Variants in PCDHA11 observed in about 807,000 individuals in gnomAD.
PCDHA11 encodes protocadherin alpha 11.
A neutral mutation model predicts 70.3 loss-of-function variants in PCDHA11; 61 were observed. The ratio of observed to expected loss-of-function variants is 0.87; its 90% CI spans 0.71 to 1.07. The LOEUF (loss-of-function observed/expected upper bound fraction) is 1.07. Among genes scored for constraint, PCDHA11 ranks in the 50% least tolerant of loss-of-function variants. The pLI is 0.00. For missense variants in PCDHA11, 1,324 were observed against 1,237.5 expected, an observed-to-expected ratio of 1.07 and a Z score of -1.05; for synonymous variants, 633 against 555.1, an observed-to-expected ratio of 1.14 and a Z score of -1.97.
intron 1 of PCDHA11, among the ~76,000 whole-genome samples, chr5:140,874,456 A>T (rs1554167207): frequency 6.6e-6 from 1 of 152,236 alleles, no homozygotes; most frequent in Non-Finnish European, 1.5e-5. Flanking sequence ...AATGACCTGT[A>T]GGGGAAGATT....
Position 140,979,220 on chromosome 5 carries a change from C to T in PCDHA11, c.2450+213C>T, listed in dbSNP as rs552719327. ...TATCAAGTGCTGGCATATAAGAGTC[C>T]TCTGTAAAATCACAGAAACAGGCTG... On this transcript the variant is annotated intron_variant, in intron 2 of 3. Transcript: ENST00000398640. Among the ~76,000 whole-genome samples, 27 of 152,304 alleles carry T rather than the reference C, an allele frequency of 1.8e-4. 1 individual carries two copies. The highest frequency in any genetic ancestry group is 6.3e-4 in the African/African-American group (26 of 41,574).
intron 1 of PCDHA11, among the ~76,000 whole-genome samples, chr5:140,901,967 T>C (rs2069024315): frequency 6.6e-6 from 1 of 152,134 alleles, no homozygotes; most frequent in East Asian, 1.9e-4. Flanking sequence ...CTATCGTAAA[T>C]GGGATTACTT....
intron 1 of PCDHA11, among the ~76,000 whole-genome samples, chr5:140,901,174 G>C (rs782712619): frequency 1.3e-5 from 2 of 152,050 alleles, no homozygotes; most frequent in Non-Finnish European, 2.9e-5. Flanking sequence ...TCTTCACTTT[G>C]TTGATTGTTT....
intron 1 of PCDHA11, chr5:140,882,638 A>G (rs2059233239): frequency 5.0e-6 from 8 of 1,614,116 alleles, no homozygotes; most frequent in African/African-American, 1.3e-5. Context: ...GGTGAAGGTG[A>G]GGGACATTAA....
chr5:140,995,379 G>T (rs1300023701), intron 3 of PCDHA11, among the ~76,000 whole-genome samples: 2 of 152,172 alleles, frequency 1.3e-5, no homozygotes, highest in East Asian at 1.9e-4. Context: ...CACGTACTGG[G>T]CAGGATAAAG....
intron 1 of PCDHA11, among the ~76,000 whole-genome samples, chr5:140,936,534 T>C (rs1327354780): frequency 1.3e-5 from 2 of 152,230 alleles, no homozygotes; most frequent in African/African-American, 2.4e-5. Context: ...TGCTTTTGAA[T>C]ATAGTGCAAT....
chr5:140,876,330 A>G, intron 1 of PCDHA11: 2 of 1,614,042 alleles, frequency 1.2e-6, no homozygotes, highest in Admixed American at 1.7e-5. Flanking sequence ...TGATTTTGCC[A>G]GTGAGTGAGA....
chr5:140,882,474 A>G, intron 1 of PCDHA11: 1 of 1,614,054 alleles, frequency 6.2e-7, no homozygotes, highest in Non-Finnish European at 8.5e-7. Context: ...GTGGCGTCCA[A>G]AAGACACGGG....
At chr5:140,965,607 T>C (rs2095916367) in intron 1 of PCDHA11, among the ~76,000 whole-genome samples, 1 of 152,088 alleles carries the variant, frequency 6.6e-6, no homozygotes, top group Non-Finnish European at 1.5e-5. Flanking sequence ...CTTGAAGACA[T>C]TGTCATCCAT....
intron 1 of PCDHA11, chr5:140,876,545 C>T (rs1281346113): frequency 6.2e-7 from 1 of 1,614,082 alleles, no homozygotes; most frequent in Non-Finnish European, 8.5e-7. Flanking sequence ...CTGTCGCTCC[C>T]TGTGCAAGAG....
chr5:140,967,130 G>A (rs1554229204), intron 1 of PCDHA11: 1 of 1,612,184 alleles, frequency 6.2e-7, no homozygotes, highest in East Asian at 2.2e-5. Flanking sequence ...GCTCAGCTTG[G>A]AAGTGCTGGC....
chr5:140,983,059 C>A (rs1325414567), intron 3 of PCDHA11, among the ~76,000 whole-genome samples: 3 of 151,980 alleles, frequency 2.0e-5, no homozygotes, highest in Non-Finnish European at 4.4e-5. Flanking sequence ...TTATCGGAAC[C>A]AAGGCATTGT....
rs187345731 is a variant in PCDHA11, at chr5:140,885,533, C to T, written c.2391+14039C>T. Among the ~76,000 whole-genome samples, 472 of 152,120 alleles carry T rather than the reference C, an allele frequency of 3.1e-3. 3 individuals carry two copies. Among genetic ancestry groups the T allele is most frequent in the Middle Eastern group, 0.014 (4 of 294 alleles). On this transcript the variant is annotated intron_variant, in intron 1 of 3. Coordinates refer to ENST00000398640, the MANE Select transcript of PCDHA11 (RefSeq NM_018902.5). Reference sequence around the variant, plus strand: ...CTGTGCTATCATTTCATATATTTCCCAAAATATTGGTGTTATTTCTACGAA... The same window carrying T: ...CTGTGCTATCATTTCATATATTTCCTAAAATATTGGTGTTATTTCTACGAA...
chr5:140,988,024 A>G (rs2153870091), intron 3 of PCDHA11, among the ~76,000 whole-genome samples: 1 of 152,316 alleles, frequency 6.6e-6, no homozygotes, highest in East Asian at 1.9e-4. Flanking sequence ...ATGATTCTTA[A>G]GTTTTTTAGA....
chr5:140,927,290 T>A (rs1563090312), intron 1 of PCDHA11: 2 of 1,614,054 alleles, frequency 1.2e-6, no homozygotes, highest in Admixed American at 1.7e-5. Context: ...CAGCTGCACA[T>A]CCCCGAGTTC....
At chr5:140,982,159 G>A (rs1466298378) in intron 2 of PCDHA11, among the ~76,000 whole-genome samples, 1 of 152,262 alleles carries the variant, frequency 6.6e-6, no homozygotes, top group African/African-American at 2.4e-5. Flanking sequence ...GTATCGAGAT[G>A]TTAAAATGGC....
intron 1 of PCDHA11, among the ~76,000 whole-genome samples, chr5:140,922,066 C>A (rs1438475640): frequency 2.0e-5 from 3 of 151,528 alleles, no homozygotes; most frequent in Non-Finnish European, 4.4e-5. Context: ...TGTAGCAATC[C>A]CACTAAGCAA....
chr5:140,917,942 A>G (rs781844380), intron 1 of PCDHA11, among the ~76,000 whole-genome samples: 5 of 152,048 alleles, frequency 3.3e-5, no homozygotes, highest in African/African-American at 4.8e-5. Flanking sequence ...TAATATTGGT[A>G]GTTTGATAGG....
intron 1 of PCDHA11, among the ~76,000 whole-genome samples, chr5:140,937,259 G>A (rs1306999153): frequency 1.3e-5 from 2 of 151,850 alleles, no homozygotes; most frequent in East Asian, 3.9e-4. Context: ...GGATGGTCTC[G>A]ATCTCCTGAC....
Sources: allele counts gnomAD v4.1 joint callset (sites outside exome capture counted in the v4.1 genomes callset), GRCh38; gene constraint gnomAD v4.1.1; transcripts MANE v1.5; gene names NCBI Gene and HGNC (gene_info 2026-07-23, HGNC 2026-07-21).